NRXN3: variants seen among roughly 807,000 people sequenced by gnomAD.
NRXN3 encodes neurexin III.
NRXN3 carries 32 observed loss-of-function variants against 137.6 expected under a neutral mutation model. The ratio of observed to expected loss-of-function variants is 0.23; its 90% CI spans 0.18 to 0.31. The LOEUF is 0.31. Ranked by LOEUF, NRXN3 falls within the 10% of genes least tolerant of loss-of-function variation. The pLI, the probability that NRXN3 is intolerant of heterozygous loss-of-function variation, is 1.00. For missense variants in NRXN3, 1,574 were observed against 2,062.5 expected, an observed-to-expected ratio of 0.76 and a Z score of 4.59; for synonymous variants, 798 against 784.5, an observed-to-expected ratio of 1.02 and a Z score of -0.29.
chr14:79,035,676 G>C (rs2887887), intron 15 of NRXN3, among the ~76,000 whole-genome samples: 29 of 151,892 alleles, frequency 1.9e-4, no homozygotes, highest in Admixed American at 1.7e-3. Flanking sequence ...TATGATTTCC[G>C]TTTCTACACA....
chr14:79,001,039 C>T (rs910183632), intron 15 of NRXN3, among the ~76,000 whole-genome samples: 1 of 152,078 alleles, frequency 6.6e-6, no homozygotes, highest in Non-Finnish European at 1.5e-5. Context: ...TAAGATTTTG[C>T]ATTTAGTTAT....
At chr14:79,395,801 T>G (rs1352243672) in intron 15 of NRXN3, among the ~76,000 whole-genome samples, 1 of 131,666 alleles carries the variant, frequency 7.6e-6, no homozygotes, top group Non-Finnish European at 1.6e-5. Flanking sequence ...AGAGCTAGAC[T>G]CCATCTCAAA....
intron 16 of NRXN3, among the ~76,000 whole-genome samples, chr14:79,512,929 T>C (rs1015283201): frequency 3.3e-5 from 5 of 152,198 alleles, no homozygotes; most frequent in African/African-American, 1.2e-4. Flanking sequence ...ATGTCTGTGA[T>C]GATCTAATGA....
intron 19 of NRXN3, among the ~76,000 whole-genome samples, chr14:79,727,402 T>C (rs1184580255): frequency 1.3e-5 from 2 of 152,196 alleles, no homozygotes; most frequent in South Asian, 4.1e-4. Context: ...AAATACTTTC[T>C]CCTCTCAAGA....
intron 1 of NRXN3, among the ~76,000 whole-genome samples, chr14:78,234,363 C>A (rs2065881324): frequency 6.6e-6 from 1 of 152,210 alleles, no homozygotes; most frequent in East Asian, 1.9e-4. Context: ...CTGTGCTGAG[C>A]ATTGTCCTAA....
At chr14:78,719,231 A>G (rs1300978457) in intron 8 of NRXN3, among the ~76,000 whole-genome samples, 1 of 152,246 alleles carries the variant, frequency 6.6e-6, no homozygotes, top group Non-Finnish European at 1.5e-5. Flanking sequence ...GTTCATCCCA[A>G]TGTCAAGAAA....
intron 4 of NRXN3, among the ~76,000 whole-genome samples, chr14:78,378,687 C>G (rs966255797): frequency 6.6e-6 from 1 of 151,644 alleles, no homozygotes; most frequent in South Asian, 2.1e-4. Flanking sequence ...GGAAAAGTCT[C>G]AAATCAATAA....
intron 8 of NRXN3, among the ~76,000 whole-genome samples, chr14:78,769,398 A>G (rs1432918168): frequency 6.6e-6 from 1 of 152,186 alleles, no homozygotes; most frequent in Non-Finnish European, 1.5e-5. Context: ...GTAAGGTCAC[A>G]TTTATAGGTA....
chr14:78,699,247 G>A (rs2098256688), intron 6 of NRXN3, among the ~76,000 whole-genome samples: 1 of 149,668 alleles, frequency 6.7e-6, no homozygotes, highest in Non-Finnish European at 1.5e-5. Context: ...CTAAAAAGAG[G>A]TGATGCCTAA....
chr14:78,391,996 A>C (rs1347827446), intron 4 of NRXN3, among the ~76,000 whole-genome samples: 3 of 152,168 alleles, frequency 2.0e-5, no homozygotes, highest in Admixed American at 2.0e-4. Flanking sequence ...CCTGTGCTAA[A>C]GGAAAAAAAA....
chr14:79,580,293 T>G (rs73326059), intron 16 of NRXN3, among the ~76,000 whole-genome samples: 13,378 of 152,224 alleles, frequency 0.088, 1,204 homozygotes, highest in African/African-American at 0.23. Context: ...TTCTTTTCCT[T>G]TGGATAAAAA....
At chr14:78,519,754 A>T (rs1255652353) in intron 4 of NRXN3, among the ~76,000 whole-genome samples, 1 of 152,152 alleles carries the variant, frequency 6.6e-6, no homozygotes, top group African/African-American at 2.4e-5. Context: ...TTGAAGGAGT[A>T]GGAGTTGCCT....
At chr14:78,726,352 C>A (rs760484989) in intron 8 of NRXN3, among the ~76,000 whole-genome samples, 6 of 151,996 alleles carry the variant, frequency 3.9e-5, no homozygotes, top group South Asian at 2.1e-4. Context: ...ACCCCCACCC[C>A]CTAACAGGCC....
intron 20 of NRXN3, among the ~76,000 whole-genome samples, chr14:79,842,619 A>AT (rs971104468): frequency 3.3e-5 from 5 of 152,286 alleles, no homozygotes; most frequent in Non-Finnish European, 7.4e-5. Context: ...TAAGAAATAA[A>AT]TTTTGTTTTG....
intron 19 of NRXN3, among the ~76,000 whole-genome samples, chr14:79,715,105 C>G (rs554533305): frequency 7.9e-5 from 12 of 152,136 alleles, no homozygotes; most frequent in Non-Finnish European, 1.2e-4. Flanking sequence ...AGGTGCCCAC[C>G]ACCGCACCTG....
At chr14:78,388,892 CTTCAA>C (rs1160854032) in intron 4 of NRXN3, among the ~76,000 whole-genome samples, 18 of 151,942 alleles carry the variant, frequency 1.2e-4, no homozygotes, top group African/African-American at 3.4e-4. Context: ...ATATACCATA[CTTCAA>C]TTCATCATTT....
intron 4 of NRXN3, among the ~76,000 whole-genome samples, chr14:78,580,520 C>G (rs933206763): frequency 1.3e-5 from 2 of 152,160 alleles, no homozygotes; most frequent in Admixed American, 1.3e-4. Context: ...CCCTGTGTGT[C>G]CTTTCCCTCC....
intron 15 of NRXN3, among the ~76,000 whole-genome samples, chr14:79,078,545 T>G (rs1170908438): frequency 6.6e-6 from 1 of 152,156 alleles, no homozygotes; most frequent in East Asian, 1.9e-4. Context: ...ATGAAGCTTG[T>G]TTTGATATAT....
intron 1 of NRXN3, among the ~76,000 whole-genome samples, chr14:78,218,351 A>G (rs2063502136): frequency 6.6e-6 from 1 of 152,148 alleles, no homozygotes. Flanking sequence ...GAAAGACCCT[A>G]TCGCTCTCTT....
Sources: gnomAD v4.1 joint callset for allele counts (sites outside exome capture counted in the v4.1 genomes callset) on GRCh38, gnomAD v4.1.1 for gene constraint, MANE v1.5 for transcripts, NCBI Gene and HGNC (gene_info 2026-07-23, HGNC 2026-07-21) for gene names.